Variants in BUB1 observed in about 807,000 individuals in gnomAD.
The protein encoded by BUB1 is mitotic checkpoint serine/threonine-protein kinase BUB1.
BUB1 carries 84 observed loss-of-function variants against 135.2 expected under a neutral mutation model. The observed-to-expected ratio is 0.62, with a 90% CI of 0.52 to 0.74. BUB1 has a LOEUF of 0.74. Among genes scored for constraint, BUB1 ranks in the 30% least tolerant of loss-of-function variants. The probability of loss-of-function intolerance (pLI) is 0.00; values close to 1 mark genes in which losing one functional copy is unlikely to be tolerated. For synonymous variants in BUB1, 403 were observed against 434.4 expected, an observed-to-expected ratio of 0.93 and a Z score of 0.90; for missense variants, 1,162 against 1,288.3, an observed-to-expected ratio of 0.90 and a Z score of 1.50.
rs908954703 is a variant in BUB1, at chr2:110,641,660, G to A, written c.2607C>T (p.Tyr869=). 5.0e-6 allele frequency: 8 copies of A among 1,612,568 alleles called. No homozygotes were observed. Among genetic ancestry groups the A allele is most frequent in the Middle Eastern group, 1.6e-4 (1 of 6,076 alleles). The stretch of plus-strand genomic sequence containing the variant: ...TACTTACTAATAATGTTCCATAGCT[G>A]TAGAGCTCTCCTACTAATACACTGC... ...QNGSVLVGEL[Y]SYGTLLNAIN... is the part of the protein sequence containing the mutation. Residue 869 remains tyrosine (Y), a synonymous_variant, in exon 21 of 25, where the codon TAC becomes TAT. Coordinates refer to ENST00000302759, the MANE Select transcript of BUB1 (RefSeq NM_004336.5).
intron 16 of BUB1, among the ~76,000 whole-genome samples, chr2:110,654,005 A>G (rs994886451): frequency 3.3e-5 from 5 of 152,140 alleles, no homozygotes; most frequent in African/African-American, 1.2e-4. Flanking sequence ...ACAAACAAAT[A>G]AAATCTACTA....
Position 110,637,585 on chromosome 2 carries a change from A to AGTGTGTGTGTGTGT in BUB1, c.*365_*378dup, listed in dbSNP as rs5833370. 9.1e-3 allele frequency: 1,338 copies of AGTGTGTGTGTGTGT among 147,644 alleles called. 11 individuals carry two copies. Among genetic ancestry groups the AGTGTGTGTGTGTGT allele is most frequent in the Middle Eastern group, 0.02 (6 of 298 alleles). 9.1% of individuals were successfully genotyped at this position (147,644 alleles called of 1,614,324 possible). A position where few individuals can be genotyped will look rare whatever the true frequency, so the allele number is the denominator to read the frequency against. Reference sequence around the variant, plus strand: ...TGAAGTCCCTTGGAAATGTTAGGGAAGTGTGTGTGTGTGTGTGTGTGTGTG... The same window carrying AGTGTGTGTGTGTGT: ...TGAAGTCCCTTGGAAATGTTAGGGAAGTGTGTGTGTGTGTGTGTGTGTGTGTGTGTGTGTGTGTG... On this transcript the variant is annotated 3_prime_UTR_variant, in exon 25 of 25. Transcript: ENST00000302759.
At chr2:110,667,763 A>G in intron 7 of BUB1, 34 bp downstream of exon 7, 5 of 1,609,794 alleles carry the variant, frequency 3.1e-6, no homozygotes, top group Non-Finnish European at 4.2e-6. Context: ...CTTAAAGGAA[A>G]CTAATAATAG....
At chr2:110,659,935 G>T in intron 11 of BUB1, 43 bp downstream of exon 11, 1 of 1,547,696 alleles carries the variant, frequency 6.5e-7, no homozygotes, top group South Asian at 1.1e-5. Flanking sequence ...GAGTGATACA[G>T]AGGAATCTGG....
chr2:110,655,432 T>C (rs1689902470), intron 16 of BUB1, among the ~76,000 whole-genome samples: 1 of 152,214 alleles, frequency 6.6e-6, no homozygotes, highest in Non-Finnish European at 1.5e-5. Flanking sequence ...AAAATAAACA[T>C]GCTCTATCTA....
intron 4 of BUB1, among the ~76,000 whole-genome samples, chr2:110,672,153 G>A (rs1690440022): frequency 6.6e-6 from 1 of 152,116 alleles, no homozygotes; most frequent in African/African-American, 2.4e-5. Context: ...CTTGAGCCCA[G>A]AAGTGGCAGG....
At chr2:110,667,436 A>C (rs769645729) in intron 8 of BUB1, 85 bp downstream of exon 8, 9 of 1,318,846 alleles carry the variant, frequency 6.8e-6, no homozygotes, top group Non-Finnish European at 7.3e-6. Flanking sequence ...AACATAGTCA[A>C]TTATTCTTTA....
In BUB1 at chr2:110,658,636, G is replaced by A. The variant is rs1019955705; in HGVS notation, c.1383C>T (p.Thr461=). Residue 461 remains threonine (T), a synonymous_variant, in exon 12 of 25, where the codon ACC becomes ACT. Transcript: ENST00000302759. ...ATPSKVQPSP[T]VHTKEALGFI... ...TACCTAATGCTTCTTTTGTGTGCAC[G>A]GTGGGTGATGGCTGCACTTTGGATG... 10 of 1,614,202 alleles carry A rather than the reference G, an allele frequency of 6.2e-6. No homozygotes were observed. In the East Asian group the frequency reaches 6.7e-5, roughly 11 times the overall value.
At chr2:110,677,692 G>C (rs1331009059) in intron 1 of BUB1, among the ~76,000 whole-genome samples, 1 of 152,326 alleles carries the variant, frequency 6.6e-6, no homozygotes, top group Admixed American at 6.5e-5. Context: ...TCCTTACAAA[G>C]AATAAACGAG....
chr2:110,670,494 AC>A, intron 5 of BUB1, 30 bp downstream of exon 5: 2 of 1,611,570 alleles, frequency 1.2e-6, no homozygotes, highest in East Asian at 4.5e-5. Context: ...TAAATGGACA[AC>A]AACAGGCATT....
chr2:110,675,486 T>C (rs775397217), intron 1 of BUB1, among the ~76,000 whole-genome samples: 4 of 151,670 alleles, frequency 2.6e-5, no homozygotes, highest in Non-Finnish European at 5.9e-5. Flanking sequence ...CAGGAAAAGG[T>C]GGGGGTGACA....
intron 15 of BUB1, 104 bp downstream of exon 15, chr2:110,656,932 G>T (rs1400387619): frequency 1.4e-6 from 1 of 690,978 alleles, no homozygotes; most frequent in Non-Finnish European, 2.3e-6. Context: ...ATAGTTTTTA[G>T]CATAGTTTCA....
intron 19 of BUB1, among the ~76,000 whole-genome samples, chr2:110,646,927 G>A (rs778931536): frequency 4.6e-5 from 7 of 152,116 alleles, no homozygotes; most frequent in Non-Finnish European, 1.5e-5. Context: ...ATCCACAAAT[G>A]AGAATTGAGA....
chr2:110,677,659 A>G (rs1690627532), intron 1 of BUB1, among the ~76,000 whole-genome samples: 1 of 152,222 alleles, frequency 6.6e-6, no homozygotes, highest in Non-Finnish European at 1.5e-5. Flanking sequence ...GATTTTTGTT[A>G]GGTTGAACTG....
In BUB1 at chr2:110,658,519, AC is replaced by A; in HGVS notation, c.1406del (p.Gly469ValfsTer4). The A allele has an allele frequency of 6.2e-7, 1 of 1,613,792 alleles. No homozygotes were observed. ...SPTVHTKEAL[G>X]FIMNMFQAPT... ...GAGCCTGAAACATATTCATGATGAA[AC>A]CTTAAAGAACAAAAAGAATAATTGT... On this transcript the variant is annotated frameshift_variant and splice_region_variant, in exon 13 of 25. Coordinates refer to ENST00000302759, the MANE Select transcript of BUB1 (RefSeq NM_004336.5). LOFTEE classifies it high-confidence loss of function.
At chr2:110,657,735 T>C in intron 13 of BUB1, 90 bp from the exon 14 acceptor site, 5 of 901,106 alleles carry the variant, frequency 5.5e-6, no homozygotes, top group Non-Finnish European at 8.1e-6. Flanking sequence ...GAAAAAGGAC[T>C]AACAGCTGAC....
In BUB1 at chr2:110,669,389, G is replaced by T. The variant is rs1690355294; in HGVS notation, c.567+64C>A. ...TGAGATGTCAAAGTGGATGTAGAAG[G>T]CAGCCAGGCTGGCCATTCAATACCA... On this transcript the variant is annotated intron_variant, in intron 6 of 24. Coordinates refer to ENST00000302759, the MANE Select transcript of BUB1 (RefSeq NM_004336.5). 9.0e-6 allele frequency: 10 copies of T among 1,114,536 alleles called. No homozygotes were observed. The South Asian group carries it at 1.1e-4, about 13-fold the overall frequency. The allele number at this position is 1,114,536 out of a possible 1,614,324, so 69.0% of individuals were successfully genotyped here. A position where few individuals can be genotyped will look rare whatever the true frequency, so the allele number is the denominator to read the frequency against.
In BUB1 at chr2:110,666,304, T is replaced by G. The variant is rs1163922652; in HGVS notation, c.916A>C (p.Thr306Pro). 2.7e-6 allele frequency: 4 copies of G among 1,504,704 alleles called. No homozygotes were observed. The highest frequency in any genetic ancestry group is 2.5e-5 in the East Asian group (1 of 40,158). The allele number at this position is 1,504,704 out of a possible 1,614,324, so 93.2% of individuals were successfully genotyped here. A position where few individuals can be genotyped will look rare whatever the true frequency, so the allele number is the denominator to read the frequency against. ...GAAGCGGGCAGATCCTCATGGGATG[T>G]CTCCACCACCTGATGCAACTTCTTA... is the stretch of plus-strand genomic sequence containing the variant. ...LHKKLHQVVE[T>P]SHEDLPASQE... Residue 306 changes from threonine (T) to proline (P), a missense_variant, in exon 9 of 25, where the codon ACA (threonine) becomes CCA (proline). Physicochemically the swap from Thr to Pro is conservative, Grantham distance 38. Coordinates refer to ENST00000302759, the MANE Select transcript of BUB1 (RefSeq NM_004336.5).
chr2:110,672,721 A>G lies in BUB1; in HGVS notation c.362T>C (p.Val121Ala), dbSNP rs750544206. The change falls in exon 4 of 25, where the codon GTC becomes GCC. Residue 121 changes from valine (V) to alanine (A), a missense_variant. By Grantham distance (64) the Val-to-Ala change is moderately conservative. Transcript: ENST00000302759. Reference protein sequence around the residue: ...AQGELQHASAVLQRGIQNQAE... With the variant: ...AQGELQHASAALQRGIQNQAE... ...CTGGTTTTGAATTCCTCTCTGAAGG[A>G]CAGCACTGGCATGCTGCAGCTCTCC... 11 of 1,613,808 alleles carry G rather than the reference A, an allele frequency of 6.8e-6. No individual in the cohort carries two copies. Among genetic ancestry groups the G allele is most frequent in the Non-Finnish European group, 9.3e-6 (11 of 1,179,900 alleles).
Sources: gnomAD v4.1 joint callset for allele counts (sites outside exome capture counted in the v4.1 genomes callset) on GRCh38, gnomAD v4.1.1 for gene constraint, MANE v1.5 for transcripts, NCBI Gene and HGNC (gene_info 2026-07-23, HGNC 2026-07-21) for gene names.